The following ZNF69 variants were observed in gnomAD, a reference collection of about 807,000 sequenced individuals.
The protein encoded by ZNF69 is ZNF3.
Under a neutral mutation model 50.9 loss-of-function variants are expected in ZNF69, and 47 were observed. That is an observed-to-expected ratio of 0.92 (90% CI 0.73 to 1.18). The LOEUF (loss-of-function observed/expected upper bound fraction) is 1.18, where lower values mean the gene tolerates loss of function less well. Among genes scored for constraint, ZNF69 ranks in the 50% most tolerant of loss-of-function variants. ZNF69 has a pLI of 0.00. For synonymous variants in ZNF69, 216 were observed against 223.1 expected (o/e 0.97, Z 0.29); for missense variants, 717 against 675.1 (o/e 1.06, Z -0.69).
At chr19:11,929,284 C>G in the ZNF69 span, among the ~76,000 whole-genome samples, 2 of 148,342 alleles carry the variant, frequency 1.3e-5, no homozygotes, top group Non-Finnish European at 2.9e-5. Flanking sequence ...CTGCCTCAGC[C>G]TCCCAAGTAG....
At chr19:11,964,075 C>G in the ZNF69 span, among the ~76,000 whole-genome samples, 1 of 152,184 alleles carries the variant, frequency 6.6e-6, no homozygotes, top group African/African-American at 2.4e-5. Context: ...CAGCAGAGCC[C>G]CAGGCCAGTG....
chr19:11,930,660 A>T, the ZNF69 span, among the ~76,000 whole-genome samples: 1 of 148,278 alleles, frequency 6.7e-6, no homozygotes, highest in Non-Finnish European at 1.5e-5. Flanking sequence ...CACCACTTGT[A>T]TCATTGGCTG....
chr19:11,957,092 T>C, the ZNF69 span, among the ~76,000 whole-genome samples: 1,870 of 144,008 alleles, frequency 0.013, 55 homozygotes, highest in African/African-American at 0.02. Context: ...AAGAAATAAG[T>C]TTTTTTTTTT....
chr19:11,977,877 T>C, the ZNF69 span, among the ~76,000 whole-genome samples: 1 of 151,998 alleles, frequency 6.6e-6, no homozygotes, highest in Non-Finnish European at 1.5e-5. Flanking sequence ...TCACACAGAG[T>C]ATTTAGTACT....
the ZNF69 span, among the ~76,000 whole-genome samples, chr19:11,935,428 G>A: frequency 3.3e-5 from 5 of 151,674 alleles, no homozygotes; most frequent in Admixed American, 2.0e-4. Flanking sequence ...GTTGAGACTG[G>A]GTTTCACCAT....
the ZNF69 span, chr19:11,977,342 A>G: frequency 1.9e-6 from 3 of 1,612,768 alleles, no homozygotes; most frequent in Non-Finnish European, 8.5e-7. Flanking sequence ...ATATTGCTTC[A>G]GGACTACTTT....
chr19:11,969,777 C>G, the ZNF69 span, among the ~76,000 whole-genome samples: 1 of 152,176 alleles, frequency 6.6e-6, no homozygotes, highest in African/African-American at 2.4e-5. Context: ...AGAGAATAAC[C>G]ACTAGACATT....
chr19:11,904,084 T>C, intron 3 of ZNF69, 119 bp downstream of exon 3: 1 of 1,314,358 alleles, frequency 7.6e-7, no homozygotes, highest in Non-Finnish European at 1.0e-6. Context: ...TTTAGAATAT[T>C]TGATCAAAAA....
chr19:11,917,371 AGC>A, downstream of ZNF69, among the ~76,000 whole-genome samples: 1 of 152,230 alleles, frequency 6.6e-6, no homozygotes, highest in Non-Finnish European at 1.5e-5. Context: ...GGGAGGGGCC[AGC>A]AGGGTGTGTG....
At chr19:11,948,142 C>T in the ZNF69 span, 3 of 1,070,970 alleles carry the variant, frequency 2.8e-6, no homozygotes, top group South Asian at 4.8e-5. Context: ...GTCCAGTCAC[C>T]TTCAAACGAT....
At chr19:11,892,224 G>C (rs542790326) in intron 1 of ZNF69, among the ~76,000 whole-genome samples, 1 of 148,082 alleles carries the variant, frequency 6.8e-6, no homozygotes, top group African/African-American at 2.5e-5. Flanking sequence ...AAACAGTCCT[G>C]CTTCCTTGGC....
intron 1 of ZNF69, among the ~76,000 whole-genome samples, chr19:11,892,135 A>ATTTTTT (rs4071659): frequency 4.6e-4 from 52 of 113,918 alleles, no homozygotes; most frequent in Middle Eastern, 4.7e-3. Flanking sequence ...CTCCTGGCTG[A>ATTTTTT]TTTTTTTTTT....
chr19:11,905,207 C>T lies in ZNF69; in HGVS notation c.810C>T (p.His270=). The T allele has an allele frequency of 6.2e-7, 1 of 1,614,144 alleles. No homozygotes were observed. The highest frequency in any genetic ancestry group is 1.1e-5 in the South Asian group (1 of 91,076). The change falls in exon 4 of 4, where the codon CAC becomes CAT. Residue 270 remains histidine (H), a synonymous_variant. Transcript: ENST00000429654. ...CCCTTCGAATACACGAAAGAACTCA[C>T]ACTGGAGAAAAGCCTTATGAATGTC... ...SATLRIHERT[H]TGEKPYECQQ... is the part of the protein sequence containing the mutation.
chr19:11,945,952 A>G, the ZNF69 span, among the ~76,000 whole-genome samples: 1 of 152,224 alleles, frequency 6.6e-6, no homozygotes. Context: ...GGCTTCGATT[A>G]TATCAATAGT....
chr19:11,905,995 C>A lies in ZNF69; in HGVS notation c.1598C>A (p.Pro533His), dbSNP rs1486156568. The change falls in exon 4 of 4, where the codon CCC (proline) becomes CAC (histidine). Residue 533 changes from proline to histidine, a missense_variant. Pro to His is a moderately conservative substitution (Grantham distance 77). Transcript: ENST00000429654. Reference protein sequence around the residue: ...YHERTHTGEKPYKCKQCGKAF... With the variant: ...YHERTHTGEKHYKCKQCGKAF... ...GAAAGGACTCACACTGGAGAGAAAC[C>A]CTATAAATGCAAGCAATGTGGGAAA... is the stretch of plus-strand genomic sequence containing the variant. 6.2e-7 allele frequency: 1 copy of A among 1,613,874 alleles called. No individual in the cohort carries two copies. The highest frequency in any genetic ancestry group is 1.3e-5 in the African/African-American group (1 of 74,870).
chr19:11,977,315 A>ACG, the ZNF69 span: 1 of 1,606,060 alleles, frequency 6.2e-7, no homozygotes, highest in African/African-American at 1.3e-5. Flanking sequence ...AGAATCTAAT[A>ACG]ATTTTTTCAC....
At chr19:11,933,670 A>C in the ZNF69 span, among the ~76,000 whole-genome samples, 1 of 147,914 alleles carries the variant, frequency 6.8e-6, no homozygotes, top group Non-Finnish European at 1.5e-5. Context: ...AAAAATATGC[A>C]TTGAAGGTCT....
chr19:11,979,100 G>A, the ZNF69 span: 3 of 1,613,818 alleles, frequency 1.9e-6, no homozygotes, highest in South Asian at 3.3e-5. Flanking sequence ...TCTGGAGAAA[G>A]ACCTTATAAA....
At chr19:11,898,109 C>G (rs1422731234) in intron 1 of ZNF69, among the ~76,000 whole-genome samples, 1 of 152,002 alleles carries the variant, frequency 6.6e-6, no homozygotes, top group South Asian at 2.1e-4. Flanking sequence ...AATAAGATAA[C>G]TGCCTTACAT....
Sources: allele counts gnomAD v4.1 joint callset (sites outside exome capture counted in the v4.1 genomes callset), GRCh38; gene constraint gnomAD v4.1.1; transcripts MANE v1.5; gene names NCBI Gene and HGNC (gene_info 2026-07-23, HGNC 2026-07-21).